The following NUGGC variants were observed in gnomAD, a reference collection of about 807,000 sequenced individuals.
NUGGC encodes nuclear GTPase, germinal center associated.
Under a neutral mutation model 92.6 loss-of-function variants are expected in NUGGC, and 58 were observed. The observed-to-expected ratio is 0.63, with a 90% CI of 0.51 to 0.78. The LOEUF (loss-of-function observed/expected upper bound fraction) is 0.78. Among genes scored for constraint, NUGGC ranks in the 30% least tolerant of loss-of-function variants. The probability of loss-of-function intolerance (pLI) is 0.00; values close to 1 mark genes in which losing one functional copy is unlikely to be tolerated. For missense variants in NUGGC, 925 were observed against 964.6 expected (o/e 0.96, Z 0.54); for synonymous variants, 376 against 366.4 (o/e 1.03, Z -0.30).
At chr8:28,053,283 T>A (rs1211789327) in intron 10 of NUGGC, among the ~76,000 whole-genome samples, 3 of 151,988 alleles carry the variant, frequency 2.0e-5, no homozygotes, top group Admixed American at 2.0e-4. Context: ...ACATACCCTG[T>A]CTCTACAAAA....
intron 10 of NUGGC, among the ~76,000 whole-genome samples, chr8:28,048,977 A>G (rs1809918186): frequency 1.3e-5 from 2 of 152,014 alleles, no homozygotes; most frequent in Non-Finnish European, 2.9e-5. Context: ...AAATAGCATT[A>G]CATATTCTTT....
At chr8:28,075,522 G>A (rs1442086426) in intron 1 of NUGGC, among the ~76,000 whole-genome samples, 8 of 152,140 alleles carry the variant, frequency 5.3e-5, no homozygotes, top group Admixed American at 5.2e-4. Flanking sequence ...CACGAGTGGG[G>A]AACACCCAAG....
intron 6 of NUGGC, among the ~76,000 whole-genome samples, chr8:28,066,524 C>T (rs922378128): frequency 6.6e-6 from 1 of 152,006 alleles, no homozygotes; most frequent in African/African-American, 2.4e-5. Context: ...GAACATTTAA[C>T]TTTAGGACAT....
At chr8:28,082,100 A>G (rs1465748592) in intron 1 of NUGGC, among the ~76,000 whole-genome samples, 1 of 152,226 alleles carries the variant, frequency 6.6e-6, no homozygotes, top group Non-Finnish European at 1.5e-5. Flanking sequence ...CTGCTCTTCC[A>G]AACTAGGGAT....
intron 13 of NUGGC, among the ~76,000 whole-genome samples, chr8:28,034,305 G>A (rs1430742106): frequency 6.6e-6 from 1 of 152,156 alleles, no homozygotes; most frequent in Non-Finnish European, 1.5e-5. Context: ...CTAGACCTAT[G>A]AGAGACATTA....
intron 1 of NUGGC, among the ~76,000 whole-genome samples, chr8:28,081,415 T>C: frequency 6.6e-6 from 1 of 152,240 alleles, no homozygotes; most frequent in African/African-American, 2.4e-5. Flanking sequence ...GTACAAATGT[T>C]ATTTTTTGAA....
intron 11 of NUGGC, among the ~76,000 whole-genome samples, 181 bp from the exon 12 acceptor site, chr8:28,045,841 G>T (rs374331894): frequency 2.0e-5 from 3 of 152,284 alleles, no homozygotes; most frequent in African/African-American, 7.2e-5. Flanking sequence ...TAGGATCAAT[G>T]ACAGTGATGA....
chr8:28,055,621 C>A (rs1585581288), intron 10 of NUGGC, among the ~76,000 whole-genome samples: 1 of 152,132 alleles, frequency 6.6e-6, no homozygotes, highest in East Asian at 1.9e-4. Flanking sequence ...TCACTTGAGC[C>A]CAGGAGTTTG....
chr8:28,049,961 C>T (rs946129198), intron 10 of NUGGC, among the ~76,000 whole-genome samples: 2 of 152,118 alleles, frequency 1.3e-5, no homozygotes, highest in Non-Finnish European at 2.9e-5. Flanking sequence ...GAGGCACACG[C>T]CTGTAGTCCC....
chr8:28,061,619 G>A (rs958705382), intron 7 of NUGGC, among the ~76,000 whole-genome samples: 3 of 152,078 alleles, frequency 2.0e-5, no homozygotes, highest in Admixed American at 6.6e-5. Context: ...TTTTCTTTTC[G>A]ACTTTACAAT....
chr8:28,061,625 A>C (rs1353396070), intron 7 of NUGGC, among the ~76,000 whole-genome samples: 1 of 152,252 alleles, frequency 6.6e-6, no homozygotes, highest in Non-Finnish European at 1.5e-5. Context: ...TTTCGACTTT[A>C]CAATGGGTTT....
In NUGGC at chr8:28,045,645, C is replaced by G; in HGVS notation, c.1328G>C (p.Arg443Thr). 6.2e-7 allele frequency: 1 copy of G among 1,611,410 alleles called. No homozygotes were observed. Among genetic ancestry groups the G allele is most frequent in the Non-Finnish European group, 8.5e-7 (1 of 1,179,284 alleles). The change falls in exon 12 of 19, where the codon AGA (arginine) becomes ACA (threonine). Residue 443 changes from arginine (R) to threonine (T), a missense_variant. By Grantham distance (71) the Arg-to-Thr change is moderately conservative (BLOSUM62 -1). Coordinates refer to ENST00000413272, the MANE Select transcript of NUGGC (RefSeq NM_001010906.2). ...TEEETEIPKL[R>T]EYIRKSLLDK... ...CAAGAGGCTCTTCCTGATGTATTCT[C>G]TTAACTTAGGGATTTCTGGAATTCA...
At chr8:28,039,846 T>A (rs983919956) in intron 13 of NUGGC, among the ~76,000 whole-genome samples, 2 of 152,200 alleles carry the variant, frequency 1.3e-5, no homozygotes, top group Non-Finnish European at 2.9e-5. Context: ...GAGGTTCACA[T>A]GCGAAGCCCT....
chr8:28,073,432 A>G (rs1810640021), intron 2 of NUGGC, among the ~76,000 whole-genome samples: 1 of 152,128 alleles, frequency 6.6e-6, no homozygotes, highest in Admixed American at 6.6e-5. Flanking sequence ...AGATGCTAGC[A>G]TCACCCCCAC....
rs4054869 is a variant in NUGGC, at chr8:28,046,680, A to AT, written c.1312+826dup. 1.8e-3 allele frequency among the ~76,000 whole-genome samples: 248 copies of AT among 139,584 alleles called. 3 individuals carry two copies. The highest frequency in any genetic ancestry group is 1.9e-3 in the Admixed American group (26 of 13,660). 91.6% of individuals were successfully genotyped at this position (139,584 alleles called of 152,430 possible). A position where few individuals can be genotyped will look rare whatever the true frequency, so the allele number is the denominator to read the frequency against. ...AGGGGACTAAGGAAATGATAACCCA[A>AT]TTTTTTTTTTTTTTTTTGAGACGAA... On this transcript the variant is annotated intron_variant, in intron 11 of 18. Coordinates refer to ENST00000413272, the MANE Select transcript of NUGGC (RefSeq NM_001010906.2).
chr8:28,073,402 T>C (rs925904599), intron 2 of NUGGC, among the ~76,000 whole-genome samples: 4 of 152,120 alleles, frequency 2.6e-5, no homozygotes, highest in Non-Finnish European at 5.9e-5. Context: ...TCTTCCTATA[T>C]GCCTGCTCAG....
At chr8:28,025,328 G>A (rs545642012) in intron 18 of NUGGC, among the ~76,000 whole-genome samples, 4 of 152,324 alleles carry the variant, frequency 2.6e-5, no homozygotes, top group East Asian at 3.9e-4. Flanking sequence ...ATTTGCTGTC[G>A]ATGGTGAAGA....
intron 10 of NUGGC, among the ~76,000 whole-genome samples, chr8:28,050,444 A>G (rs915665652): frequency 1.3e-5 from 2 of 152,148 alleles, no homozygotes; most frequent in Non-Finnish European, 2.9e-5. Context: ...GAAAGAAAAC[A>G]GAAGGGTTAT....
chr8:28,082,151 A>T (rs927168233), intron 1 of NUGGC, among the ~76,000 whole-genome samples: 4 of 152,198 alleles, frequency 2.6e-5, no homozygotes, highest in Non-Finnish European at 5.9e-5. Flanking sequence ...TCAGAAGCAA[A>T]AGTGAAACAA....
Sources: allele counts gnomAD v4.1 joint callset (sites outside exome capture counted in the v4.1 genomes callset), GRCh38; gene constraint gnomAD v4.1.1; transcripts MANE v1.5; gene names NCBI Gene and HGNC (gene_info 2026-07-23, HGNC 2026-07-21).